ZFYVE9: variants seen among roughly 807,000 people sequenced by gnomAD.
The protein encoded by ZFYVE9 is zinc finger FYVE domain-containing protein 9.
Under a neutral mutation model 126.7 loss-of-function variants are expected in ZFYVE9, and 43 were observed. That is an observed-to-expected ratio of 0.34 (90% CI 0.27 to 0.44). The LOEUF (loss-of-function observed/expected upper bound fraction) is 0.44. ZFYVE9 is among the 20% of genes least tolerant of loss of function. ZFYVE9 has a pLI of 1.00. For missense variants in ZFYVE9, 1,476 were observed against 1,697.0 expected (o/e 0.87, Z 2.29); for synonymous variants, 521 against 597.4 (o/e 0.87, Z 1.87).
At chr1:52,298,662 T>C (rs575800196) in intron 12 of ZFYVE9, among the ~76,000 whole-genome samples, 2 of 151,024 alleles carry the variant, frequency 1.3e-5, no homozygotes, top group Non-Finnish European at 3.0e-5. Context: ...AAGGTTTTGG[T>C]TTTTTTTTCT....
chr1:52,175,704 C>T (rs994104301), intron 1 of ZFYVE9, among the ~76,000 whole-genome samples: 71 of 152,130 alleles, frequency 4.7e-4, no homozygotes, highest in Admixed American at 7.2e-4. Flanking sequence ...TTGTTCGTTT[C>T]TTTTTATTCT....
At position 52,233,248 on chromosome 1, in the gene ZFYVE9, G is replaced by T; in HGVS notation, c.42G>T (p.Lys14Asn). ...AAGCAGAAGCTTACAACCTGGACAAGGTGTTAGATGAATTTGAACAAAACG... is the reference window on the plus strand; with the variant it reads ...AAGCAGAAGCTTACAACCTGGACAATGTGTTAGATGAATTTGAACAAAACG... Reference protein sequence around the residue: ...YFQAEAYNLDKVLDEFEQNED... With the variant: ...YFQAEAYNLDNVLDEFEQNED... Residue 14 changes from lysine (K) to asparagine (N), a missense_variant, in exon 3 of 19, where the codon AAG (lysine) becomes AAT (asparagine). Lys to Asn is a moderately conservative substitution (Grantham distance 94). Around this residue, in one of 2 missense-constraint regions of ZFYVE9, gnomAD observed 807 missense variants for 794.6 expected, o/e 1.02. Coordinates refer to ENST00000287727, the MANE Select transcript of ZFYVE9 (RefSeq NM_004799.4). 6.3e-7 allele frequency: 1 copy of T among 1,584,092 alleles called. No homozygotes were observed. Among genetic ancestry groups the T allele is most frequent in the African/African-American group, 1.3e-5 (1 of 74,480 alleles).
chr1:52,169,665 A>C (rs896771847), intron 1 of ZFYVE9, among the ~76,000 whole-genome samples: 1 of 152,226 alleles, frequency 6.6e-6, no homozygotes, highest in Admixed American at 6.5e-5. Flanking sequence ...ATGTTATAAT[A>C]ATAGAGGGCT....
At chr1:52,156,533 G>C (rs1262861119) in intron 1 of ZFYVE9, among the ~76,000 whole-genome samples, 1 of 152,194 alleles carries the variant, frequency 6.6e-6, no homozygotes, top group Non-Finnish European at 1.5e-5. Context: ...TTCTCTGTCT[G>C]ATAGCTCTTA....
chr1:52,209,475 C>T (rs1046518353), intron 1 of ZFYVE9, among the ~76,000 whole-genome samples: 9 of 152,078 alleles, frequency 5.9e-5, no homozygotes, highest in African/African-American at 2.2e-4. Flanking sequence ...AAACTCCCTA[C>T]CCATTAGTAG....
At position 52,239,026 on chromosome 1, in the gene ZFYVE9, A is replaced by T; in HGVS notation, c.1609A>T (p.Ser537Cys). 1 of 1,614,210 alleles carries T rather than the reference A, an allele frequency of 6.2e-7. No individual in the cohort carries two copies. The highest frequency in any genetic ancestry group is 1.7e-5 in the Admixed American group (1 of 60,020). ...ATEGSGLLLN[S>C]TGDLMKKNYL... ...AGAAGGGAGTGGACTACTTTTAAACAGCACTGGTGACCTAATGAAGAAAAA... is the reference window on the plus strand; with the variant it reads ...AGAAGGGAGTGGACTACTTTTAAACTGCACTGGTGACCTAATGAAGAAAAA... The change falls in exon 4 of 19, where the codon AGC becomes TGC. Residue 537 changes from serine to cysteine, a missense_variant. By Grantham distance (112) the Ser-to-Cys change is moderately radical. Transcript: ENST00000287727.
intron 1 of ZFYVE9, among the ~76,000 whole-genome samples, chr1:52,153,252 T>C (rs1264618303): frequency 6.6e-6 from 1 of 152,208 alleles, no homozygotes; most frequent in Non-Finnish European, 1.5e-5. Flanking sequence ...CACAGATCCA[T>C]ATCTTCACAG....
At chr1:52,217,343 G>A (rs1409645934) in intron 2 of ZFYVE9, among the ~76,000 whole-genome samples, 1 of 152,154 alleles carries the variant, frequency 6.6e-6, no homozygotes, top group African/African-American at 2.4e-5. Flanking sequence ...AACAGAAGCG[G>A]GGGTAGGATT....
chr1:52,270,015 T>G (rs1645673794), intron 7 of ZFYVE9, among the ~76,000 whole-genome samples: 1 of 151,798 alleles, frequency 6.6e-6, no homozygotes, highest in African/African-American at 2.4e-5. Context: ...ACCCATATAC[T>G]CTTCACCTAT....
intron 13 of ZFYVE9, among the ~76,000 whole-genome samples, chr1:52,318,062 C>CTTA (rs537374690): frequency 4.5e-4 from 69 of 151,770 alleles, no homozygotes; most frequent in Non-Finnish European, 8.8e-4. Flanking sequence ...CAGCCTTATA[C>CTTA]TAATAACAAA....
intron 13 of ZFYVE9, among the ~76,000 whole-genome samples, chr1:52,328,548 G>A (rs1268689272): frequency 6.6e-6 from 1 of 152,154 alleles, no homozygotes; most frequent in Non-Finnish European, 1.5e-5. Flanking sequence ...TACATCCAAG[G>A]AAATGATTTC....
chr1:52,283,389 A>G (rs1645823939), intron 10 of ZFYVE9, among the ~76,000 whole-genome samples: 1 of 152,228 alleles, frequency 6.6e-6, no homozygotes, highest in Non-Finnish European at 1.5e-5. Flanking sequence ...GAGTGACATA[A>G]TCAGATTTGC....
At chr1:52,329,779 C>G (rs1646323265) in intron 13 of ZFYVE9, among the ~76,000 whole-genome samples, 1 of 152,250 alleles carries the variant, frequency 6.6e-6, no homozygotes, top group Non-Finnish European at 1.5e-5. Flanking sequence ...GTGGCCAGCA[C>G]CTGTAATCCC....
Position 52,336,470 on chromosome 1 carries a change from C to T in ZFYVE9, c.3671-1302C>T, listed in dbSNP as rs1646390973. On this transcript the variant is annotated intron_variant, in intron 15 of 18. Transcript: ENST00000287727. ...ACTTCTACCTCAAGTGATTCTCCTGCCTCAGTCTCCTGAGTAGCTGAAATT... is the reference window on the plus strand; with the variant it reads ...ACTTCTACCTCAAGTGATTCTCCTGTCTCAGTCTCCTGAGTAGCTGAAATT... Among the ~76,000 whole-genome samples, 10 of 149,868 alleles carry T rather than the reference C, an allele frequency of 6.7e-5. No individual in the cohort carries two copies. In the South Asian group the frequency reaches 2.1e-3, roughly 32 times the overall value.
At chr1:52,332,663 A>T (rs757507918) in intron 13 of ZFYVE9, 105 bp from the exon 14 acceptor site, 10 of 1,352,086 alleles carry the variant, frequency 7.4e-6, no homozygotes, top group Non-Finnish European at 9.9e-6. Flanking sequence ...TGTCACTTTA[A>T]TACGTAATAT....
intron 9 of ZFYVE9, among the ~76,000 whole-genome samples, chr1:52,281,183 A>C (rs978593685): frequency 7.1e-6 from 1 of 140,690 alleles, no homozygotes; most frequent in Non-Finnish European, 1.5e-5. Flanking sequence ...CCTAGGCTGG[A>C]GTGCAGTGGC....
intron 10 of ZFYVE9, among the ~76,000 whole-genome samples, chr1:52,283,862 C>A (rs1184627717): frequency 6.6e-6 from 1 of 151,864 alleles, no homozygotes; most frequent in Non-Finnish European, 1.5e-5. Context: ...ATAGATTATA[C>A]CTCAGTAAAA....
rs1229385272 is a variant in ZFYVE9, at chr1:52,308,778, G to A, written c.3438+4853G>A. 2.6e-5 allele frequency among the ~76,000 whole-genome samples: 4 copies of A among 152,128 alleles called. No homozygotes were observed. The East Asian group carries it at 7.7e-4, about 29-fold the overall frequency. On this transcript the variant is annotated intron_variant, in intron 13 of 18. Transcript: ENST00000287727. ...TCCTAGAATTCTATGCATACTATTT[G>A]TAATAATCAGTACATTTGTAATTCC...
intron 13 of ZFYVE9, among the ~76,000 whole-genome samples, chr1:52,327,666 G>A (rs182316964): frequency 1.6e-3 from 245 of 151,594 alleles, no homozygotes; most frequent in Non-Finnish European, 2.9e-3. Context: ...CAGGTGCTTG[G>A]CCATGGGAGA....
Sources: allele counts gnomAD v4.1 joint callset (sites outside exome capture counted in the v4.1 genomes callset), GRCh38; gene constraint gnomAD v4.1.1; regional missense constraint gnomAD v4.1.1; transcripts MANE v1.5; gene names NCBI Gene and HGNC (gene_info 2026-07-23, HGNC 2026-07-21).